RNF216: variants seen among roughly 807,000 people sequenced by gnomAD.
The protein encoded by RNF216 is ring finger protein 216, also known as E3 ubiquitin-protein ligase RNF216.
In RNF216, 72 loss-of-function variants were observed where a neutral mutation model predicts 110.8. The observed-to-expected ratio is 0.65, with a 90% CI of 0.54 to 0.79. The LOEUF is 0.79. Ranked by LOEUF, RNF216 falls within the 30% of genes least tolerant of loss-of-function variation. RNF216 has a pLI of 0.00. For missense variants in RNF216, 1,342 were observed against 1,141.2 expected (o/e 1.18, Z -2.54); for synonymous variants, 495 against 407.5 (o/e 1.21, Z -2.59).
At chr7:5,623,822 C>T (rs571128661) in intron 16 of RNF216, among the ~76,000 whole-genome samples, 2 of 152,252 alleles carry the variant, frequency 1.3e-5, no homozygotes, top group East Asian at 3.9e-4. Flanking sequence ...CAAACCCACC[C>T]CTTGGGACTT....
At chr7:5,781,353 G>C (rs1462848023) in intron 1 of RNF216, among the ~76,000 whole-genome samples, 188 bp downstream of exon 1, 1 of 151,980 alleles carries the variant, frequency 6.6e-6, no homozygotes, top group East Asian at 1.9e-4. Context: ...CACCGGGCTC[G>C]AGACGCCCAG....
chr7:5,677,913 A>T (rs1014996812), intron 13 of RNF216, among the ~76,000 whole-genome samples: 4 of 152,200 alleles, frequency 2.6e-5, no homozygotes, highest in African/African-American at 9.7e-5. Context: ...TGGTTTACAT[A>T]CACAGCCCCA....
intron 3 of RNF216, among the ~76,000 whole-genome samples, chr7:5,744,122 A>G (rs1248585311): frequency 6.6e-6 from 1 of 152,194 alleles, no homozygotes; most frequent in South Asian, 2.1e-4. Context: ...CTAAAGTAAC[A>G]GCATGTTTAG....
chr7:5,674,151 T>A (rs1790113451), intron 13 of RNF216, among the ~76,000 whole-genome samples: 1 of 151,824 alleles, frequency 6.6e-6, no homozygotes, highest in African/African-American at 2.4e-5. Flanking sequence ...TGCCTCAGCC[T>A]CCTGAATAGC....
chr7:5,754,756 G>A (rs1036914960), intron 2 of RNF216, among the ~76,000 whole-genome samples: 2 of 152,076 alleles, frequency 1.3e-5, no homozygotes, highest in African/African-American at 2.4e-5. Flanking sequence ...GGCTGGGCAC[G>A]GTGGCTCACG....
intron 1 of RNF216, among the ~76,000 whole-genome samples, chr7:5,774,399 A>G (rs1796663603): frequency 6.6e-6 from 1 of 152,250 alleles, no homozygotes; most frequent in Non-Finnish European, 1.5e-5. Flanking sequence ...TGATAGCACC[A>G]TTGCACTCCA....
intron 13 of RNF216, among the ~76,000 whole-genome samples, chr7:5,703,857 C>G (rs546371737): frequency 6.6e-6 from 1 of 152,326 alleles, no homozygotes; most frequent in South Asian, 2.1e-4. Flanking sequence ...ACTTACACAG[C>G]TCTGAGTTTA....
At position 5,680,568 on chromosome 7, in the gene RNF216, AT is replaced by A. The variant is rs201018816; in HGVS notation, c.2062-28059del. The A allele has an allele frequency of 6.6e-6, 1 of 151,906 alleles. No individual in the cohort carries two copies. 9.4% of individuals were successfully genotyped at this position (151,906 alleles called of 1,614,324 possible). On this transcript the variant is annotated intron_variant, in intron 13 of 16. Coordinates refer to ENST00000389902, the MANE Select transcript of RNF216 (RefSeq NM_207111.4). This position sits in a 1 kb window ranked among gnomAD's most constrained non-coding sequence, Gnocchi z 4.3. ...AGGCGCGCACCACCATGCTCAGCTA[AT>A]TTTTTTTGTATTTTACTAGAGACGG...
intron 5 of RNF216, among the ~76,000 whole-genome samples, chr7:5,732,188 C>T (rs192815629): frequency 3.9e-4 from 59 of 152,304 alleles, no homozygotes; most frequent in African/African-American, 1.3e-3. Context: ...AGTGGTAATT[C>T]TCCATCCTAG....
chr7:5,684,409 C>G (rs1298676742), intron 13 of RNF216, among the ~76,000 whole-genome samples: 1 of 152,142 alleles, frequency 6.6e-6, no homozygotes, highest in Admixed American at 6.6e-5. Flanking sequence ...GCCTGGCCCA[C>G]AAGCTGGGCC....
chr7:5,749,787 T>C (rs1795237450), intron 3 of RNF216, among the ~76,000 whole-genome samples: 1 of 152,188 alleles, frequency 6.6e-6, no homozygotes, highest in African/African-American at 2.4e-5. Flanking sequence ...AAAATTCTAA[T>C]GAAGAAACTA....
chr7:5,727,710 G>C (rs531081757), intron 7 of RNF216, among the ~76,000 whole-genome samples: 20 of 152,064 alleles, frequency 1.3e-4, no homozygotes, highest in South Asian at 4.1e-4. Flanking sequence ...GCCTGGGTGA[G>C]AGAGAGAGAC....
chr7:5,651,805 T>G (rs1057211226), intron 14 of RNF216, among the ~76,000 whole-genome samples: 4 of 152,064 alleles, frequency 2.6e-5, no homozygotes, highest in Admixed American at 2.6e-4. Context: ...AGCGCCACCA[T>G]ACCCAGCTAA....
intron 3 of RNF216, among the ~76,000 whole-genome samples, chr7:5,750,891 C>A (rs1214714569): frequency 1.3e-5 from 2 of 151,612 alleles, no homozygotes; most frequent in East Asian, 1.9e-4. Context: ...AGATTACCTA[C>A]TAACTCAACA....
intron 7 of RNF216, among the ~76,000 whole-genome samples, chr7:5,727,111 G>A (rs547409814): frequency 7.9e-5 from 12 of 152,326 alleles, no homozygotes; most frequent in Non-Finnish European, 1.6e-4. Flanking sequence ...AGTCTGGGCA[G>A]CAATGAGAAG....
In RNF216 at chr7:5,622,455, C is replaced by T. The variant is rs2128554132; in HGVS notation, c.*405G>A. The stretch of plus-strand genomic sequence containing the variant: ...AGGCCCGCAGGTGCAGCCCCCTCTG[C>T]CCTTGGCCCAACCGTGGGCCCCTCC... On this transcript the variant is annotated 3_prime_UTR_variant, in exon 17 of 17. Transcript: ENST00000389902. 5.8e-6 allele frequency: 1 copy of T among 171,012 alleles called. No individual in the cohort carries two copies. The highest frequency in any genetic ancestry group is 1.2e-5 in the Non-Finnish European group (1 of 80,722). The allele number at this position is 171,012 out of a possible 1,614,324, so 10.6% of individuals were successfully genotyped here.
rs1443181018 is a variant in RNF216 at position 5,715,152 on chromosome 7, T to C, written c.1734A>G (p.Glu578=). ...ACTGCGTCAGCTCCTCGAATGGAAA[T>C]TCCCCATAGCAGCAGCGACACTCAA... ...QLIECRCCYG[E]FPFEELTQCA... is the part of the protein sequence containing the mutation. Residue 578 remains glutamate, a synonymous_variant, in exon 11 of 17, where the codon GAA becomes GAG. Coordinates refer to ENST00000389902, the MANE Select transcript of RNF216 (RefSeq NM_207111.4). The C allele has an allele frequency of 1.2e-6, 2 of 1,613,832 alleles. No individual in the cohort carries two copies. The highest frequency in any genetic ancestry group is 1.7e-6 in the Non-Finnish European group (2 of 1,180,026).
rs1364837602 is a variant in RNF216, at chr7:5,626,427, GA to G, written c.2383-2303del. Among the ~76,000 whole-genome samples, 9 of 147,010 alleles carry G rather than the reference GA, an allele frequency of 6.1e-5. No homozygotes were observed. The Admixed American group carries it at 6.1e-4, about 10-fold the overall frequency. ...GAAAAAAGACTAAAAAAAAAAAAAA[GA>G]AAAAAAGAAATGAACCAAAAAACCC... On this transcript the variant is annotated intron_variant, in intron 15 of 16. Transcript: ENST00000389902.
At chr7:5,720,127 T>G (rs1448197218) in intron 9 of RNF216, among the ~76,000 whole-genome samples, 2 of 152,240 alleles carry the variant, frequency 1.3e-5, no homozygotes, top group Admixed American at 1.3e-4. Context: ...CCACTGCTTT[T>G]GTTCTGCTGG....
Sources: gnomAD v4.1 joint callset for allele counts (sites outside exome capture counted in the v4.1 genomes callset) on GRCh38, gnomAD v4.1.1 for gene constraint, Gnocchi (gnomAD v3.1) non-coding constraint, MANE v1.5 for transcripts, NCBI Gene and HGNC (gene_info 2026-07-23, HGNC 2026-07-21) for gene names.